RIMS2: variants seen among roughly 807,000 people sequenced by gnomAD.
RIMS2 encodes regulating synaptic membrane exocytosis protein 2.
RIMS2 carries 59 observed loss-of-function variants against 174.4 expected under a neutral mutation model. The ratio of observed to expected loss-of-function variants is 0.34; its 90% CI spans 0.27 to 0.42. The LOEUF is 0.42. Ranked by LOEUF, RIMS2 falls within the 10% of genes least tolerant of loss-of-function variation. RIMS2 has a pLI of 1.00. For synonymous variants in RIMS2, 606 were observed against 572.5 expected (o/e 1.06, Z -0.84); for missense variants, 1,620 against 1,666.3 (o/e 0.97, Z 0.48).
chr8:104,246,892 G>C (rs545171866), intron 20 of RIMS2, among the ~76,000 whole-genome samples: 5 of 152,114 alleles, frequency 3.3e-5, no homozygotes, highest in Non-Finnish European at 7.4e-5. Flanking sequence ...TTTATGTATT[G>C]TAAGGACTTT....
Position 104,251,019 on chromosome 8 carries a change from C to T in RIMS2, c.3692-5C>T, listed in dbSNP as rs765861022. On this transcript the variant is annotated splice_region_variant and splice_polypyrimidine_tract_variant and intron_variant, in intron 22 of 23. Transcript: ENST00000504942. ...CTCATTCTCCTCTGTGTTTTCTTTCCCAAGCACCGTATGTAAAAGTGTATC... is the reference window on the plus strand; with the variant it reads ...CTCATTCTCCTCTGTGTTTTCTTTCTCAAGCACCGTATGTAAAAGTGTATC... The T allele has an allele frequency of 4.5e-5, 73 of 1,611,552 alleles. No homozygotes were observed. Among genetic ancestry groups the T allele is most frequent in the Non-Finnish European group, 6.0e-5 (71 of 1,178,460 alleles).
intron 15 of RIMS2, among the ~76,000 whole-genome samples, chr8:103,967,653 A>G (rs576462120): frequency 1.3e-5 from 2 of 152,156 alleles, no homozygotes; most frequent in African/African-American, 4.8e-5. Context: ...TGGTGGATTC[A>G]TCTATTTCTC....
intron 1 of RIMS2, among the ~76,000 whole-genome samples, chr8:103,525,018 A>G (rs775559532): frequency 1.1e-4 from 16 of 152,236 alleles, no homozygotes; most frequent in Admixed American, 3.9e-4. Context: ...AGGGAGTGTG[A>G]CAAATGTAAT....
At chr8:103,619,331 G>C (rs1319256106) in intron 1 of RIMS2, among the ~76,000 whole-genome samples, 3 of 151,934 alleles carry the variant, frequency 2.0e-5, no homozygotes, top group Admixed American at 6.6e-5. Context: ...TATCAACATT[G>C]TGGTTGAGGG....
chr8:104,032,646 A>G (rs1327121577), intron 19 of RIMS2, among the ~76,000 whole-genome samples: 3 of 152,070 alleles, frequency 2.0e-5, no homozygotes, highest in Non-Finnish European at 4.4e-5. Flanking sequence ...GAATACATTG[A>G]AATTTTCATT....
At chr8:103,699,722 G>C (rs2097147372) in intron 2 of RIMS2, among the ~76,000 whole-genome samples, 1 of 152,026 alleles carries the variant, frequency 6.6e-6, no homozygotes, top group Admixed American at 6.6e-5. Flanking sequence ...GGGGTCACAT[G>C]CTATAAATGT....
At chr8:103,621,186 C>T (rs1288998890) in intron 1 of RIMS2, among the ~76,000 whole-genome samples, 4 of 152,124 alleles carry the variant, frequency 2.6e-5, no homozygotes, top group Admixed American at 2.6e-4. Context: ...ATTTAATTTC[C>T]TCAGCAAGGC....
intron 1 of RIMS2, among the ~76,000 whole-genome samples, chr8:103,683,819 A>C (rs1292083904): frequency 6.6e-6 from 1 of 152,152 alleles, no homozygotes; most frequent in Non-Finnish European, 1.5e-5. Context: ...AACCTCCTGT[A>C]GTGGTGCTTG....
intron 19 of RIMS2, among the ~76,000 whole-genome samples, chr8:104,139,506 T>C (rs1202286197): frequency 2.0e-5 from 3 of 152,182 alleles, no homozygotes; most frequent in Non-Finnish European, 4.4e-5. Flanking sequence ...CTAGGCATTT[T>C]ATGTCATTTG....
At chr8:103,858,103 T>C (rs986352737) in intron 3 of RIMS2, among the ~76,000 whole-genome samples, 31 of 152,208 alleles carry the variant, frequency 2.0e-4, no homozygotes, top group African/African-American at 7.2e-4. Flanking sequence ...CTCTCCTGTT[T>C]AAAATGTTTT....
At chr8:103,715,019 A>G (rs2097351587) in intron 2 of RIMS2, among the ~76,000 whole-genome samples, 1 of 152,212 alleles carries the variant, frequency 6.6e-6, no homozygotes, top group South Asian at 2.1e-4. Flanking sequence ...TCTAGTAATT[A>G]TGACCTAAAA....
At chr8:103,665,962 T>A (rs1014368135) in intron 1 of RIMS2, among the ~76,000 whole-genome samples, 3 of 152,192 alleles carry the variant, frequency 2.0e-5, no homozygotes, top group African/African-American at 7.2e-5. Context: ...TCTTATATAT[T>A]AATACTTATT....
At chr8:104,036,943 G>A (rs2096530737) in intron 19 of RIMS2, among the ~76,000 whole-genome samples, 1 of 152,090 alleles carries the variant, frequency 6.6e-6, no homozygotes, top group Non-Finnish European at 1.5e-5. Context: ...AAATAGCAAA[G>A]TATTTGAAAA....
At chr8:103,907,913 CT>C (rs1459618917) in intron 4 of RIMS2, among the ~76,000 whole-genome samples, 1 of 147,294 alleles carries the variant, frequency 6.8e-6, no homozygotes, top group Non-Finnish European at 1.5e-5. Flanking sequence ...GCCCGGCTAA[CT>C]TTTTGTATTT....
intron 3 of RIMS2, among the ~76,000 whole-genome samples, chr8:103,823,217 A>G (rs1288868042): frequency 6.6e-6 from 1 of 152,010 alleles, no homozygotes; most frequent in Non-Finnish European, 1.5e-5. Context: ...ATTTATTTAG[A>G]GTAGATATTA....
At chr8:103,966,220 G>A (rs1392095276) in intron 15 of RIMS2, among the ~76,000 whole-genome samples, 1 of 152,080 alleles carries the variant, frequency 6.6e-6, no homozygotes, top group Non-Finnish European at 1.5e-5. Flanking sequence ...TTTCTTTCTT[G>A]TTTGGTAGAA....
chr8:103,910,379 C>T, intron 5 of RIMS2: 2 of 1,596,822 alleles, frequency 1.3e-6, no homozygotes, highest in Non-Finnish European at 1.7e-6. Context: ...CGGACTCTAA[C>T]ACCAGGTCTG....
At chr8:104,113,199 C>T (rs2098221916) in intron 19 of RIMS2, among the ~76,000 whole-genome samples, 2 of 152,084 alleles carry the variant, frequency 1.3e-5, no homozygotes, top group African/African-American at 2.4e-5. Context: ...GGCTCATAAA[C>T]AAAACACTGG....
intron 3 of RIMS2, among the ~76,000 whole-genome samples, chr8:103,858,039 T>C (rs1255656445): frequency 6.6e-6 from 1 of 152,154 alleles, no homozygotes; most frequent in Non-Finnish European, 1.5e-5. Context: ...TTGGGCATCA[T>C]TTAGTGCTAC....
Sources: allele counts gnomAD v4.1 joint callset (sites outside exome capture counted in the v4.1 genomes callset), GRCh38; gene constraint gnomAD v4.1.1; transcripts MANE v1.5; gene names NCBI Gene and HGNC (gene_info 2026-07-23, HGNC 2026-07-21).